Variants in PCDHA1 observed in about 807,000 individuals in gnomAD.
PCDHA1 encodes protocadherin alpha 1, also known as protocadherin alpha-1.
Under a neutral mutation model 61.3 loss-of-function variants are expected in PCDHA1, and 42 were observed. The ratio of observed to expected loss-of-function variants is 0.69; its 90% CI spans 0.54 to 0.89. The LOEUF is 0.89. Among genes scored for constraint, PCDHA1 ranks in the 40% least tolerant of loss-of-function variants. PCDHA1 has a pLI of 0.00. For missense variants in PCDHA1, 1,256 were observed against 1,235.3 expected, an observed-to-expected ratio of 1.02 and a Z score of -0.25; for synonymous variants, 610 against 553.8, an observed-to-expected ratio of 1.10 and a Z score of -1.43.
At chr5:140,927,281 A>G (rs1554204297) in intron 1 of PCDHA1, 1 of 1,614,172 alleles carries the variant, frequency 6.2e-7, no homozygotes, top group Non-Finnish European at 8.5e-7. Flanking sequence ...GGCGACGTGC[A>G]GCTGCACATC....
intron 1 of PCDHA1, chr5:140,967,077 G>A (rs1483899506): frequency 1.9e-6 from 3 of 1,613,140 alleles, no homozygotes; most frequent in South Asian, 1.1e-5. Context: ...GTCAACGAGC[G>A]CATTGATCGG....
chr5:140,857,728 C>T lies in PCDHA1; in HGVS notation c.2394+69044C>T, dbSNP rs781841380. ...TGTTCGTGCTGGACGAGAACGACAACGCTCCCGCGCTGCTGGCGTCTCCCG... is the reference window on the plus strand; with the variant it reads ...TGTTCGTGCTGGACGAGAACGACAATGCTCCCGCGCTGCTGGCGTCTCCCG... On this transcript the variant is annotated intron_variant, in intron 1 of 3. Transcript: ENST00000504120. 5.6e-6 allele frequency: 9 copies of T among 1,597,306 alleles called. 1 individual carries two copies. Among genetic ancestry groups the T allele is most frequent in the Non-Finnish European group, 5.1e-6 (6 of 1,167,718 alleles).
intron 1 of PCDHA1, among the ~76,000 whole-genome samples, chr5:140,790,985 T>C (rs1161098903): frequency 6.6e-6 from 1 of 152,216 alleles, no homozygotes; most frequent in African/African-American, 2.4e-5. Context: ...GGATTTCCCA[T>C]TGGTAGTTAA....
rs2150530845 is a variant in PCDHA1, at chr5:140,853,328, T to C, written c.2394+64644T>C. 4.5e-5 allele frequency: 44 copies of C among 984,766 alleles called. 1 individual carries two copies. The highest frequency in any genetic ancestry group is 5.0e-5 in the Non-Finnish European group (41 of 817,224). The allele number at this position is 984,766 out of a possible 1,614,324, so 61.0% of individuals were successfully genotyped here. On this transcript the variant is annotated intron_variant, in intron 1 of 3. Coordinates refer to ENST00000504120, the MANE Select transcript of PCDHA1 (RefSeq NM_018900.4). ...AACACCTTAGTAATAAATTTATCTT[T>C]TGAGGTCATTAGCAAACATGAACTC...
Position 140,802,054 on chromosome 5 carries a change from C to T in PCDHA1, c.2394+13370C>T, listed in dbSNP as rs17844253. 802 of 1,614,152 alleles carry T rather than the reference C, an allele frequency of 5.0e-4. 13 individuals carry two copies. In the East Asian group the frequency reaches 0.018, roughly 36 times the overall value. The stretch of plus-strand genomic sequence containing the variant: ...GCGTATTCTTTCAATACGGACATGT[C>T]AGCAGATATTCTGTCAAAATTCCAT... On this transcript the variant is annotated intron_variant, in intron 1 of 3. Transcript: ENST00000504120.
intron 2 of PCDHA1, among the ~76,000 whole-genome samples, chr5:140,979,906 C>T (rs190577549): frequency 1.8e-4 from 27 of 152,204 alleles, no homozygotes; most frequent in African/African-American, 5.5e-4. Context: ...TAGATCAGTT[C>T]GTAAAGAGAA....
At chr5:140,848,275 T>G in intron 1 of PCDHA1, 2 of 545,056 alleles carry the variant, frequency 3.7e-6, no homozygotes, top group Non-Finnish European at 3.2e-6. Flanking sequence ...TCATGAAATA[T>G]GTACTTACAC....
At chr5:140,882,174 C>A (rs868925922) in intron 1 of PCDHA1, 1 of 1,514,752 alleles carries the variant, frequency 6.6e-7, no homozygotes, top group Non-Finnish European at 8.8e-7. Flanking sequence ...CGAATCCTTC[C>A]GCACTAGGAA....
At chr5:140,850,216 A>G (rs1390676090) in intron 1 of PCDHA1, 5 of 1,593,446 alleles carry the variant, frequency 3.1e-6, no homozygotes, top group Non-Finnish European at 4.3e-6. Flanking sequence ...AGGGGCACTG[A>G]CGGCGCAGTG....
chr5:140,927,609 C>T (rs1285751413), intron 1 of PCDHA1: 1 of 1,614,076 alleles, frequency 6.2e-7, no homozygotes, highest in Admixed American at 1.7e-5. Flanking sequence ...CCGTATACCG[C>T]ACCAAGGTTC....
At chr5:140,915,028 T>C (rs1583932096) in intron 1 of PCDHA1, among the ~76,000 whole-genome samples, 1 of 150,922 alleles carries the variant, frequency 6.6e-6, no homozygotes, top group Non-Finnish European at 1.5e-5. Context: ...TCACTGCAAC[T>C]TCTGCCTCCT....
At chr5:140,808,274 G>T (rs781840422) in intron 1 of PCDHA1, 4 of 1,614,206 alleles carry the variant, frequency 2.5e-6, no homozygotes, top group Non-Finnish European at 3.4e-6. Context: ...TAGAGAGGAC[G>T]CTCCACTGGG....
chr5:140,926,917 TTA>T, intron 1 of PCDHA1: 3 of 1,565,668 alleles, frequency 1.9e-6, no homozygotes, highest in South Asian at 1.2e-5. Context: ...GGTGGCAGTT[TTA>T]TGTTTGTGGG....
intron 1 of PCDHA1, chr5:140,830,619 TTTC>T (rs1771166923): frequency 5.1e-6 from 3 of 592,920 alleles, no homozygotes; most frequent in East Asian, 7.2e-5. Flanking sequence ...TTTTATTGTG[TTTC>T]TTATTTTAAT....
At chr5:140,911,716 T>A (rs2075609522) in intron 1 of PCDHA1, among the ~76,000 whole-genome samples, 1 of 151,644 alleles carries the variant, frequency 6.6e-6, no homozygotes, top group Non-Finnish European at 1.5e-5. Context: ...TTTGTGTAAC[T>A]CTGTAAACAG....
At chr5:140,858,247 G>A in intron 1 of PCDHA1, 2 of 1,596,540 alleles carry the variant, frequency 1.3e-6, no homozygotes, top group East Asian at 4.5e-5. Flanking sequence ...GTGGGCCGGT[G>A]AAGCCCACGC....
At position 140,951,558 on chromosome 5, in the gene PCDHA1, C is replaced by T. The variant is rs79908970; in HGVS notation, c.2395-27391C>T. On this transcript the variant is annotated intron_variant, in intron 1 of 3. Coordinates refer to ENST00000504120, the MANE Select transcript of PCDHA1 (RefSeq NM_018900.4). The stretch of plus-strand genomic sequence containing the variant: ...GAGCAAGGGACGGGGGGAAGTGCTA[C>T]GCACTTTTAAACAACCAGATTTCAC... Among the ~76,000 whole-genome samples the T allele has an allele frequency of 3.7e-4, 56 of 152,112 alleles. No individual in the cohort carries two copies. In the East Asian group the frequency reaches 9.5e-3, roughly 26 times the overall value.
At chr5:141,000,410 TATATATATATA>T (rs1554257433) in intron 3 of PCDHA1, among the ~76,000 whole-genome samples, 1 of 101,972 alleles carries the variant, frequency 9.8e-6, no homozygotes, top group Non-Finnish European at 2.0e-5. Context: ...TATATATATA[TATATATATATA>T]TTTTTTTTTT....
intron 1 of PCDHA1, among the ~76,000 whole-genome samples, chr5:140,898,335 A>C (rs1232674937): frequency 2.6e-5 from 4 of 152,208 alleles, no homozygotes; most frequent in African/African-American, 9.6e-5. Context: ...CTAACGTTTA[A>C]GTCTTTAATC....
Sources: allele counts gnomAD v4.1 joint callset (sites outside exome capture counted in the v4.1 genomes callset), GRCh38; gene constraint gnomAD v4.1.1; transcripts MANE v1.5; gene names NCBI Gene and HGNC (gene_info 2026-07-23, HGNC 2026-07-21).